Variants in NAALADL2 observed in about 807,000 individuals in gnomAD.
NAALADL2 encodes inactive N-acetylated-alpha-linked acidic dipeptidase-like protein 2.
In NAALADL2, 76 loss-of-function variants were observed where a neutral mutation model predicts 87.2. That is an observed-to-expected ratio of 0.87 (90% CI 0.72 to 1.05). The LOEUF is 1.05. NAALADL2 is among the 50% of genes least tolerant of loss of function. The pLI is 0.00. For synonymous variants in NAALADL2, 354 were observed against 331.0 expected (o/e 1.07, Z -0.75); for missense variants, 1,089 against 945.8 (o/e 1.15, Z -1.99).
intron 2 of NAALADL2, among the ~76,000 whole-genome samples, chr3:174,717,191 A>G (rs1731267992): frequency 6.6e-6 from 1 of 152,174 alleles, no homozygotes; most frequent in African/African-American, 2.4e-5. Flanking sequence ...AAGGGAGGAA[A>G]GAGAACAGAT....
At chr3:175,021,607 G>T (rs1490715030) in intron 1 of NAALADL2, among the ~76,000 whole-genome samples, 1 of 152,072 alleles carries the variant, frequency 6.6e-6, no homozygotes, top group African/African-American at 2.4e-5. Flanking sequence ...AAACTGCCAA[G>T]TCTTTTCCAC....
At chr3:175,681,674 G>A (rs765768653) in intron 11 of NAALADL2, among the ~76,000 whole-genome samples, 33 of 152,112 alleles carry the variant, frequency 2.2e-4, no homozygotes, top group Non-Finnish European at 4.3e-4. Flanking sequence ...CACAAAACAA[G>A]GGTTAAACTA....
At chr3:175,314,086 A>G (rs904421398) in intron 4 of NAALADL2, among the ~76,000 whole-genome samples, 11 of 151,416 alleles carry the variant, frequency 7.3e-5, no homozygotes, top group Admixed American at 4.0e-4. Context: ...AAAAAAAAAA[A>G]AAAAGAAAAG....
At chr3:175,486,338 C>T (rs1727250254) in intron 9 of NAALADL2, among the ~76,000 whole-genome samples, 1 of 152,086 alleles carries the variant, frequency 6.6e-6, no homozygotes, top group Admixed American at 6.6e-5. Flanking sequence ...AAAAAGAAGG[C>T]TCACCTCTAG....
chr3:175,670,536 T>TATATG (rs367873359), intron 11 of NAALADL2, among the ~76,000 whole-genome samples: 1 of 93,700 alleles, frequency 1.1e-5, no homozygotes, highest in African/African-American at 4.0e-5. Flanking sequence ...GTAAATTTAA[T>TATATG]TATATTATTT....
chr3:175,370,182 A>T (rs1175284023), intron 5 of NAALADL2, among the ~76,000 whole-genome samples: 1 of 152,210 alleles, frequency 6.6e-6, no homozygotes, highest in African/African-American at 2.4e-5. Flanking sequence ...GTTTTATCTT[A>T]TATGACTCTA....
chr3:175,683,858 C>T (rs554300774), intron 11 of NAALADL2, among the ~76,000 whole-genome samples: 35 of 151,504 alleles, frequency 2.3e-4, no homozygotes, highest in South Asian at 8.3e-4. Context: ...TTACATTTAA[C>T]GGAAATAATG....
rs1027048003 is a variant in NAALADL2, at chr3:174,738,562, A to G, written c.-9+816A>G. 3.3e-5 allele frequency among the ~76,000 whole-genome samples: 5 copies of G among 152,188 alleles called. No homozygotes were observed. In the South Asian group the frequency reaches 1.0e-3, roughly 31 times the overall value. Reference sequence around the variant, plus strand: ...TACGGGGAAAGAGACTGTGCCTCTTATGAAGCCATTAAGATTCAAGTGTTT... The same window carrying G: ...TACGGGGAAAGAGACTGTGCCTCTTGTGAAGCCATTAAGATTCAAGTGTTT... On this transcript the variant is annotated intron_variant, in intron 3 of 3. Coordinates refer to the NAALADL2 transcript ENST00000434257.
At chr3:175,020,181 G>A (rs1177829730) in intron 1 of NAALADL2, among the ~76,000 whole-genome samples, 1 of 151,116 alleles carries the variant, frequency 6.6e-6, no homozygotes, top group Non-Finnish European at 1.5e-5. Flanking sequence ...GATTCCCAAA[G>A]TTATGAAAAT....
intron 13 of NAALADL2, among the ~76,000 whole-genome samples, chr3:175,786,668 A>C (rs1576826555): frequency 6.6e-6 from 1 of 152,080 alleles, no homozygotes; most frequent in South Asian, 2.1e-4. Context: ...GCTCAGAGTA[A>C]TTTGATCGTC....
chr3:175,761,816 T>C (rs1489946113), intron 13 of NAALADL2, among the ~76,000 whole-genome samples: 1 of 152,206 alleles, frequency 6.6e-6, no homozygotes, highest in East Asian at 1.9e-4. Flanking sequence ...TGATATCTGT[T>C]CAGCTCTTTC....
chr3:174,476,993 CT>C (rs754445220), intron 1 of NAALADL2, among the ~76,000 whole-genome samples: 3 of 151,744 alleles, frequency 2.0e-5, no homozygotes, highest in Non-Finnish European at 4.4e-5. Context: ...AAATTGACCC[CT>C]AATGACTTGT....
In NAALADL2 at chr3:175,447,158, A is replaced by G. The variant is rs1581925674; in HGVS notation, c.1091-71A>G. The G allele has an allele frequency of 5.3e-6, 5 of 950,608 alleles. No homozygotes were observed. In the East Asian group the frequency reaches 1.3e-4, roughly 25 times the overall value. The allele number at this position is 950,608 out of a possible 1,614,324, so 58.9% of individuals were successfully genotyped here. A position where few individuals can be genotyped will look rare whatever the true frequency, so the allele number is the denominator to read the frequency against. ...CAGTCATAATTTAAATACTTATTAC[A>G]GATAACTTTTCCTTAAGTGTTTTAA... On this transcript the variant is annotated intron_variant, in intron 5 of 13. Coordinates refer to ENST00000454872, the MANE Select transcript of NAALADL2 (RefSeq NM_207015.3).
At chr3:174,725,634 T>A (rs1732108444) in intron 2 of NAALADL2, among the ~76,000 whole-genome samples, 1 of 152,234 alleles carries the variant, frequency 6.6e-6, no homozygotes, top group South Asian at 2.1e-4. Context: ...ATTGCAAAAT[T>A]ACTTTTGTTA....
At chr3:174,460,912 G>C (rs979565633) in intron 1 of NAALADL2, among the ~76,000 whole-genome samples, 1 of 151,994 alleles carries the variant, frequency 6.6e-6, no homozygotes, top group South Asian at 2.1e-4. Flanking sequence ...TTAGATGCTG[G>C]CTAATTCCTG....
chr3:175,361,546 A>C (rs1765010017), intron 5 of NAALADL2, among the ~76,000 whole-genome samples: 1 of 148,196 alleles, frequency 6.7e-6, no homozygotes. Flanking sequence ...CTGACTTATT[A>C]ATGATTACCA....
At chr3:174,921,057 A>G (rs912750893) in intron 1 of NAALADL2, among the ~76,000 whole-genome samples, 6 of 152,196 alleles carry the variant, frequency 3.9e-5, no homozygotes, top group African/African-American at 1.2e-4. Flanking sequence ...GATCACAATA[A>G]CAGATATAAT....
At chr3:174,513,559 TGC>T (rs1719744872) in intron 1 of NAALADL2, 1 of 152,188 alleles carries the variant, frequency 6.6e-6, no homozygotes, top group South Asian at 2.1e-4. Context: ...CAAAATCCTT[TGC>T]AGAGGTAAGG....
chr3:174,646,840 A>C (rs1020552066), intron 2 of NAALADL2, among the ~76,000 whole-genome samples: 4 of 152,052 alleles, frequency 2.6e-5, no homozygotes, highest in Non-Finnish European at 4.4e-5. Context: ...ACATGACCTT[A>C]TTTTTTCTTA....
Sources: gnomAD v4.1 joint callset for allele counts (sites outside exome capture counted in the v4.1 genomes callset) on GRCh38, gnomAD v4.1.1 for gene constraint, MANE v1.5 for transcripts, NCBI Gene and HGNC (gene_info 2026-07-23, HGNC 2026-07-21) for gene names.